MSH6: variants seen among roughly 807,000 people sequenced by gnomAD.
MSH6 encodes the protein DNA mismatch repair protein Msh6.
Under a neutral mutation model 119.1 loss-of-function variants are expected in MSH6, and 85 were observed. The observed-to-expected ratio is 0.71, with a 90% CI of 0.60 to 0.85. The LOEUF (loss-of-function observed/expected upper bound fraction) is 0.85. Ranked by LOEUF, MSH6 falls within the 40% of genes least tolerant of loss-of-function variation. The pLI, the probability that MSH6 is intolerant of heterozygous loss-of-function variation, is 0.00. For missense variants in MSH6, 2,163 were observed against 1,655.3 expected, an observed-to-expected ratio of 1.31 and a Z score of -5.32; for synonymous variants, 830 against 586.9, an observed-to-expected ratio of 1.41 and a Z score of -5.99.
chr2:47,796,428 G>GAT (rs1669100666), intron 3 of MSH6, among the ~76,000 whole-genome samples: 1 of 152,192 alleles, frequency 6.6e-6, no homozygotes, highest in Non-Finnish European at 1.5e-5. Context: ...AAAAAACTGA[G>GAT]ATGGGGTCTT....
intron 5 of MSH6, 139 bp from the exon 6 acceptor site, chr2:47,804,771 C>T: frequency 1.4e-6 from 1 of 738,486 alleles, no homozygotes; most frequent in Non-Finnish European, 2.5e-6. Context: ...AAATGGATTT[C>T]AGAACAGAAC....
intron 3 of MSH6, 117 bp from the exon 4 acceptor site, chr2:47,798,494 A>G (rs1669229726): frequency 4.7e-6 from 5 of 1,054,280 alleles, no homozygotes; most frequent in Non-Finnish European, 7.0e-6. Flanking sequence ...ACTAAAAATG[A>G]AAAACAGTGG....
rs35717727 is a variant in MSH6 at position 47,806,257 on chromosome 2, G to C, written c.3700G>C (p.Glu1234Gln). Residue 1234 changes from glutamate (E) to glutamine (Q), a missense_variant, in exon 8 of 10, where the codon GAA becomes CAA. Transcript: ENST00000234420. Reference protein sequence around the residue: ...GTAIANAVVKELAETIKCRTL... With the variant: ...GTAIANAVVKQLAETIKCRTL... Reference sequence around the variant, plus strand: ...GGCAATAGCAAATGCAGTTGTTAAAGAACTTGCTGAGACTATAAAATGTCG... The same window carrying C: ...GGCAATAGCAAATGCAGTTGTTAAACAACTTGCTGAGACTATAAAATGTCG... 1 of 1,613,940 alleles carries C rather than the reference G, an allele frequency of 6.2e-7. No homozygotes were observed. Among genetic ancestry groups the C allele is most frequent in the African/African-American group, 1.3e-5 (1 of 74,924 alleles).
downstream of MSH6, chr2:47,809,030 A>C (rs144580894): frequency 4.7e-4 from 280 of 593,216 alleles, 2 homozygotes; most frequent in East Asian, 8.3e-3. Flanking sequence ...CTTCAAGTAG[A>C]TTGATGATAA....
intron 5 of MSH6, among the ~76,000 whole-genome samples, chr2:47,804,095 A>G (rs544214615): frequency 3.9e-5 from 6 of 152,246 alleles, no homozygotes; most frequent in Admixed American, 2.0e-4. Flanking sequence ...ACCTCTAGCA[A>G]CTGTTGAAAA....
downstream of MSH6, chr2:47,807,099 C>T (rs1670263591): frequency 1.2e-5 from 6 of 501,210 alleles, no homozygotes; most frequent in Non-Finnish European, 2.1e-5. Flanking sequence ...TACCCACTGT[C>T]ACCAATACAC....
Position 47,806,930 on chromosome 2 carries a change from A to G in MSH6, c.*70A>G. 8.7e-7 allele frequency: 1 copy of G among 1,155,526 alleles called. No homozygotes were observed. The highest frequency in any genetic ancestry group is 1.3e-6 in the Non-Finnish European group (1 of 777,462). 71.6% of individuals were successfully genotyped at this position (1,155,526 alleles called of 1,614,324 possible). ...TAAATTCAGACAACATTATGATCTA[A>G]TAAACTTTATTTTTTAAAAATGACC... On this transcript the variant is annotated 3_prime_UTR_variant, in exon 10 of 10. Coordinates refer to ENST00000234420, the MANE Select transcript of MSH6 (RefSeq NM_000179.3).
At chr2:47,786,201 T>C (rs1299576467) in intron 1 of MSH6, among the ~76,000 whole-genome samples, 1 of 152,080 alleles carries the variant, frequency 6.6e-6, no homozygotes, top group African/African-American at 2.4e-5. Context: ...GGTCTGCAAA[T>C]TGTGGGTAGG....
chr2:47,801,288 G>A, intron 4 of MSH6, 133 bp downstream of exon 4: 1 of 884,372 alleles, frequency 1.1e-6, no homozygotes, highest in Non-Finnish European at 1.7e-6. Flanking sequence ...TTTGCATCCT[G>A]ACTAGGCTGC....
downstream of MSH6, chr2:47,809,332 T>G: frequency 9.5e-7 from 1 of 1,055,942 alleles, no homozygotes. Flanking sequence ...CCAAAGATTA[T>G]AGGATTATTC....
In MSH6 at chr2:47,783,475, C is replaced by T. The variant is rs587779924; in HGVS notation, c.242C>T (p.Ala81Val). ...NLNGGLRRSV[A>V]PAAPTSCDFS... Reference sequence around the variant, plus strand: ...AACGGAGGGCTGCGGAGATCGGTAGCGCCTGCTGCCCCCACCAGGTAGCGG... The same window carrying T: ...AACGGAGGGCTGCGGAGATCGGTAGTGCCTGCTGCCCCCACCAGGTAGCGG... The change falls in exon 1 of 10, where the codon GCG (alanine) becomes GTG (valine). Residue 81 changes from alanine to valine, a missense_variant. By Grantham distance (64) the Ala-to-Val change is moderately conservative (BLOSUM62 0). Coordinates refer to ENST00000234420, the MANE Select transcript of MSH6 (RefSeq NM_000179.3). 164 of 1,439,308 alleles carry T rather than the reference C, an allele frequency of 1.1e-4. No individual in the cohort carries two copies. The highest frequency in any genetic ancestry group is 1.5e-4 in the Non-Finnish European group (159 of 1,096,258). 89.2% of individuals were successfully genotyped at this position (1,439,308 alleles called of 1,614,324 possible).
intron 3 of MSH6, among the ~76,000 whole-genome samples, chr2:47,797,005 A>G (rs750226277): frequency 1.3e-5 from 2 of 152,088 alleles, no homozygotes; most frequent in African/African-American, 4.8e-5. Context: ...TATAGAAGTG[A>G]AAAAAATTGA....
intron 2 of MSH6, among the ~76,000 whole-genome samples, chr2:47,792,691 G>C (rs1423612121): frequency 2.0e-5 from 3 of 151,862 alleles, no homozygotes; most frequent in African/African-American, 7.3e-5. Context: ...CAAGAGATGG[G>C]GGTCTCACTC....
At chr2:47,808,464 T>C (rs756786516), downstream of MSH6, 4 of 1,512,146 alleles carry the variant, frequency 2.6e-6, no homozygotes, top group African/African-American at 2.8e-5. Context: ...TTCTCAAACA[T>C]GTCATTAATG....
At chr2:47,792,080 C>T (rs1263656273) in intron 2 of MSH6, among the ~76,000 whole-genome samples, 1 of 151,972 alleles carries the variant, frequency 6.6e-6, no homozygotes, top group African/African-American at 2.4e-5. Context: ...TGCTGACCTC[C>T]AGTAATCCAC....
At position 47,783,220 on chromosome 2, in the gene MSH6, T is replaced by C. The variant is rs1057520318; in HGVS notation, c.-14T>C. 35 of 1,611,080 alleles carry C rather than the reference T, an allele frequency of 2.2e-5. No individual in the cohort carries two copies. The highest frequency in any genetic ancestry group is 3.0e-5 in the Non-Finnish European group (35 of 1,179,332). ...TCCGTCCGACAGAACGGTTGGGCCT[T>C]GCCGGCTGTCGGTATGTCGCGACAG... is the stretch of plus-strand genomic sequence containing the variant. On this transcript the variant is annotated 5_prime_UTR_variant, in exon 1 of 10. Coordinates refer to ENST00000234420, the MANE Select transcript of MSH6 (RefSeq NM_000179.3).
Position 47,800,465 on chromosome 2 carries a change from G to A in MSH6, c.2482G>A (p.Val828Ile), listed in dbSNP as rs587781349. 2.5e-6 allele frequency: 4 copies of A among 1,613,750 alleles called. No individual in the cohort carries two copies. Among genetic ancestry groups the A allele is most frequent in the Non-Finnish European group, 3.4e-6 (4 of 1,179,980 alleles). Residue 828 changes from valine (V) to isoleucine (I), a missense_variant, in exon 4 of 10, where the codon GTT becomes ATT. Physicochemically the swap from Val to Ile is conservative, Grantham distance 29. Transcript: ENST00000234420. Reference protein sequence around the residue: ...LERLLSKIHNVGSPLKSQNHP... With the variant: ...LERLLSKIHNIGSPLKSQNHP... ...GAGGCTACTCAGTAAAATTCATAAT[G>A]TTGGGTCTCCCCTGAAGAGTCAGAA...
rs730881808 is a variant in MSH6, at chr2:47,806,569, A to G, written c.3919A>G (p.Asn1307Asp). The change falls in exon 9 of 10, where the codon AAT (asparagine) becomes GAT (aspartate). Residue 1307 changes from asparagine (N) to aspartate (D), a missense_variant. By Grantham distance (23) the Asn-to-Asp change is conservative. Coordinates refer to ENST00000234420, the MANE Select transcript of MSH6 (RefSeq NM_000179.3). ...TGGCTTTAATGCAGCAAGGCTTGCTAATCTCCCAGAGGAAGTTATTCAAAA... is the reference window on the plus strand; with the variant it reads ...TGGCTTTAATGCAGCAAGGCTTGCTGATCTCCCAGAGGAAGTTATTCAAAA... ...SYGFNAARLA[N>D]LPEEVIQKGH... is the part of the protein sequence containing the mutation. 18 of 1,613,876 alleles carry G rather than the reference A, an allele frequency of 1.1e-5. No individual in the cohort carries two copies. The highest frequency in any genetic ancestry group is 1.7e-5 in the Admixed American group (1 of 59,996).
rs530173779 is a variant in MSH6, at chr2:47,805,388, G to T, written c.3557-230G>T. On this transcript the variant is annotated intron_variant, in intron 6 of 9. Coordinates refer to ENST00000234420, the MANE Select transcript of MSH6 (RefSeq NM_000179.3). Reference sequence around the variant, plus strand: ...TAGAAGCGGGGTTTCACCATGTTAGGCTGGTCTCTTAACTCCTGACCTCAG... The same window carrying T: ...TAGAAGCGGGGTTTCACCATGTTAGTCTGGTCTCTTAACTCCTGACCTCAG... Among the ~76,000 whole-genome samples the T allele has an allele frequency of 1.4e-4, 21 of 152,140 alleles. No individual in the cohort carries two copies. The South Asian group carries it at 4.4e-3, about 32-fold the overall frequency.
Sources: gnomAD v4.1 joint callset for allele counts (sites outside exome capture counted in the v4.1 genomes callset) on GRCh38, gnomAD v4.1.1 for gene constraint, MANE v1.5 for transcripts, NCBI Gene and HGNC (gene_info 2026-07-23, HGNC 2026-07-21) for gene names.